The following CADM2 variants were observed in gnomAD, a reference collection of about 807,000 sequenced individuals.
The protein encoded by CADM2 is immunoglobulin superfamily member 4D.
CADM2 carries 12 observed loss-of-function variants against 49.8 expected under a neutral mutation model. That is an observed-to-expected ratio of 0.24 (90% CI 0.15 to 0.39). CADM2 has a LOEUF of 0.39. CADM2 is among the 10% of genes least tolerant of loss of function. The pLI, the probability that CADM2 is intolerant of heterozygous loss-of-function variation, is 1.00. For synonymous variants in CADM2, 214 were observed against 175.4 expected (o/e 1.22, Z -1.74); for missense variants, 378 against 492.3 (o/e 0.77, Z 2.20).
chr3:85,190,506 T>A (rs368471698), intron 1 of CADM2, among the ~76,000 whole-genome samples: 1 of 152,126 alleles, frequency 6.6e-6, no homozygotes, highest in African/African-American at 2.4e-5. Context: ...TATGGCTGTG[T>A]TGTGGTTGGA....
intron 8 of CADM2, among the ~76,000 whole-genome samples, chr3:85,967,545 A>G (rs1250619592): frequency 6.6e-6 from 1 of 151,626 alleles, no homozygotes; most frequent in Admixed American, 6.6e-5. Context: ...CAAATATTAT[A>G]TAATAATACA....
rs747011688 is a variant in CADM2, at chr3:85,159,774, C to G, written c.61+200106C>G. 2.6e-4 allele frequency among the ~76,000 whole-genome samples: 39 copies of G among 152,198 alleles called. No homozygotes were observed. In the Middle Eastern group the frequency reaches 0.01, roughly 40 times the overall value. On this transcript the variant is annotated intron_variant, in intron 1 of 9. Coordinates refer to ENST00000383699, the MANE Select transcript of CADM2 (RefSeq NM_001167675.2). ...ACAGAGTTTTTAGGGATAGTTTCAT[C>G]AACTGTTTCATGTTGTTTATAATTC...
At chr3:85,260,334 A>C (rs961790473) in intron 1 of CADM2, among the ~76,000 whole-genome samples, 2 of 152,112 alleles carry the variant, frequency 1.3e-5, no homozygotes, top group Admixed American at 6.6e-5. Context: ...AATCCTGTTT[A>C]ATTGCTTTAT....
intron 1 of CADM2, among the ~76,000 whole-genome samples, chr3:85,221,137 A>G (rs923978412): frequency 1.3e-5 from 2 of 152,166 alleles, no homozygotes; most frequent in Admixed American, 1.3e-4. Flanking sequence ...CTCGTTATAA[A>G]CGATACACTT....
In CADM2 at chr3:85,381,689, T is replaced by A. The variant is rs9824840; in HGVS notation, c.62-344833T>A. Among the ~76,000 whole-genome samples the A allele has an allele frequency of 5.3e-5, 8 of 151,578 alleles. No homozygotes were observed. In the East Asian group the frequency reaches 1.4e-3, roughly 26 times the overall value. On this transcript the variant is annotated intron_variant, in intron 1 of 9. Transcript: ENST00000383699. ...AAGTATATTTTTAGAGTTTATACAC[T>A]ATCCACCTCCTAAAAATATTGAGCT...
At chr3:85,010,670 T>C (rs2033942979) in intron 1 of CADM2, among the ~76,000 whole-genome samples, 1 of 151,598 alleles carries the variant, frequency 6.6e-6, no homozygotes, top group South Asian at 2.1e-4. Context: ...CTTAAACCTG[T>C]CCTTGTTACT....
chr3:85,768,382 G>T (rs958209726), intron 2 of CADM2, among the ~76,000 whole-genome samples: 4 of 151,614 alleles, frequency 2.6e-5, no homozygotes, highest in Non-Finnish European at 2.9e-5. Context: ...GGAAGCAGAG[G>T]TTGCAGTGAT....
At chr3:85,554,607 A>G (rs11929132) in intron 1 of CADM2, among the ~76,000 whole-genome samples, 6,501 of 152,312 alleles carry the variant, frequency 0.043, 462 homozygotes, top group African/African-American at 0.15. Flanking sequence ...GCATCTGAAT[A>G]AAAGGGCATA....
intron 8 of CADM2, chr3:86,027,911 G>C (rs972957770): frequency 6.6e-6 from 1 of 151,832 alleles, no homozygotes; most frequent in Non-Finnish European, 1.5e-5. Flanking sequence ...TCCCGAATCA[G>C]ATCAGTAAGT....
chr3:85,267,341 G>T (rs1190443219), intron 1 of CADM2, among the ~76,000 whole-genome samples: 1 of 151,308 alleles, frequency 6.6e-6, no homozygotes, highest in African/African-American at 2.4e-5. Context: ...TTTCAAACAT[G>T]CAAGGCACAC....
At chr3:86,013,162 T>C in intron 8 of CADM2, 1 of 1,355,552 alleles carries the variant, frequency 7.4e-7, no homozygotes, top group East Asian at 2.3e-5. Flanking sequence ...ATAAAAGAAC[T>C]GAGTGAAGAC....
intron 1 of CADM2, among the ~76,000 whole-genome samples, chr3:85,133,908 G>A (rs1446957466): frequency 6.6e-6 from 1 of 152,230 alleles, no homozygotes; most frequent in African/African-American, 2.4e-5. Flanking sequence ...CCGTGGAGCA[G>A]GGGGCGGCGC....
At chr3:85,711,559 A>G (rs973547016) in intron 1 of CADM2, among the ~76,000 whole-genome samples, 32 of 152,314 alleles carry the variant, frequency 2.1e-4, no homozygotes, top group Admixed American at 4.6e-4. Context: ...AATTTAGTGA[A>G]GTTGTTGCTT....
chr3:85,206,491 T>C (rs1447251139), intron 1 of CADM2, among the ~76,000 whole-genome samples: 1 of 151,860 alleles, frequency 6.6e-6, no homozygotes. Flanking sequence ...GTATTTTTAG[T>C]AGAGACGGGG....
intron 1 of CADM2, among the ~76,000 whole-genome samples, chr3:85,093,441 C>T (rs1016126362): frequency 2.1e-5 from 3 of 146,264 alleles, no homozygotes; most frequent in Non-Finnish European, 4.5e-5. Flanking sequence ...CGTTTGAACA[C>T]GGGAGGTGGA....
chr3:85,357,964 T>A (rs1298253205), intron 1 of CADM2, among the ~76,000 whole-genome samples: 1 of 152,212 alleles, frequency 6.6e-6, no homozygotes, highest in South Asian at 2.1e-4. Flanking sequence ...TCAGACATAT[T>A]GCTCTGATTT....
chr3:85,275,366 T>TA (rs976864649), intron 1 of CADM2, among the ~76,000 whole-genome samples: 3 of 151,456 alleles, frequency 2.0e-5, no homozygotes, highest in African/African-American at 7.3e-5. Flanking sequence ...ACTAAATGTT[T>TA]ATGCTGGGCA....
chr3:86,069,989 AAGAG>A lies in CADM2; in HGVS notation c.*3210_*3213del. On this transcript the variant is annotated 3_prime_UTR_variant, in exon 10 of 10. Coordinates refer to ENST00000383699, the MANE Select transcript of CADM2 (RefSeq NM_001167675.2). ...TGTGTGTGTGTATATGTGTGTGTAT[AAGAG>A]AGAAAGAGAAATCGAAAAGAGAGAG... is the stretch of plus-strand genomic sequence containing the variant. 1 of 151,762 alleles carries A rather than the reference AAGAG, an allele frequency of 6.6e-6. No homozygotes were observed. 9.4% of individuals were successfully genotyped at this position (151,762 alleles called of 1,614,324 possible). A position where few individuals can be genotyped will look rare whatever the true frequency, so the allele number is the denominator to read the frequency against.
At chr3:85,479,737 G>A (rs1249424117) in intron 1 of CADM2, among the ~76,000 whole-genome samples, 1 of 151,840 alleles carries the variant, frequency 6.6e-6, no homozygotes, top group Non-Finnish European at 1.5e-5. Context: ...TAATTATTTA[G>A]CTAAGTGGTG....
Sources: gnomAD v4.1 joint callset for allele counts (sites outside exome capture counted in the v4.1 genomes callset) on GRCh38, gnomAD v4.1.1 for gene constraint, MANE v1.5 for transcripts, NCBI Gene and HGNC (gene_info 2026-07-23, HGNC 2026-07-21) for gene names.